Variants in BLTP2 observed in about 807,000 individuals in gnomAD.
BLTP2 encodes the protein bridge-like lipid transfer protein family member 2, also known as U937-associated antigen.
At chr17:28,629,512 CTT>C in the BLTP2 span, among the ~76,000 whole-genome samples, 36 of 152,180 alleles carry the variant, frequency 2.4e-4, no homozygotes, top group African/African-American at 8.7e-4. Flanking sequence ...GAGTCTCACT[CTT>C]GTCGTCCAGG....
chr17:28,639,941 G>A, the BLTP2 span: 1 of 1,614,112 alleles, frequency 6.2e-7, no homozygotes, highest in Non-Finnish European at 8.5e-7. Flanking sequence ...CCATATCAGA[G>A]TTTGCTGTGA....
chr17:28,616,224 G>C, the BLTP2 span: 3 of 1,604,116 alleles, frequency 1.9e-6, no homozygotes, highest in Non-Finnish European at 2.6e-6. The surrounding 1 kb of genome is among the most constrained non-coding windows in gnomAD (Gnocchi z 4.8). Flanking sequence ...AGGAGTGTGA[G>C]CCCTGAATCC....
At chr17:28,617,229 T>C in the BLTP2 span, 36 of 1,611,516 alleles carry the variant, frequency 2.2e-5, no homozygotes, top group Non-Finnish European at 3.1e-5. Flanking sequence ...AAAAAAGACT[T>C]GCCTTATAGA....
chr17:28,634,101 A>G, the BLTP2 span: 1 of 1,612,802 alleles, frequency 6.2e-7, no homozygotes, highest in South Asian at 1.1e-5. Flanking sequence ...TACCAGAGGA[A>G]GGGTACACAC....
the BLTP2 span, chr17:28,638,125 A>G: frequency 9.9e-6 from 16 of 1,608,714 alleles, 1 homozygote; most frequent in South Asian, 1.8e-4. Flanking sequence ...TCCCATTAGA[A>G]GTATGCAGGC....
the BLTP2 span, chr17:28,639,165 G>A: frequency 2.6e-6 from 2 of 772,566 alleles, no homozygotes; most frequent in Non-Finnish European, 4.4e-6. Flanking sequence ...AGTCTAATGG[G>A]AAAGATATAT....
the BLTP2 span, chr17:28,632,892 G>C: frequency 7.4e-7 from 1 of 1,353,922 alleles, no homozygotes; most frequent in African/African-American, 1.5e-5. Context: ...CAGCATCCAT[G>C]CCCGTCCTCC....
the BLTP2 span, chr17:28,645,123 G>T: frequency 1.5e-6 from 2 of 1,378,060 alleles, no homozygotes; most frequent in African/African-American, 1.5e-5. Context: ...CCGGATCCGC[G>T]CAGCACCGCC....
chr17:28,633,687 G>A, the BLTP2 span: 1 of 1,614,084 alleles, frequency 6.2e-7, no homozygotes, highest in Admixed American at 1.7e-5. Flanking sequence ...CCACACACTG[G>A]CCAATTAGTG....
chr17:28,643,190 G>A, the BLTP2 span: 2 of 1,614,176 alleles, frequency 1.2e-6, no homozygotes, highest in South Asian at 1.1e-5. Context: ...AATAAGGATG[G>A]GCTGAAGGAC....
the BLTP2 span, among the ~76,000 whole-genome samples, chr17:28,625,785 G>A: frequency 6.6e-6 from 1 of 151,952 alleles, no homozygotes; most frequent in African/African-American, 2.4e-5. Flanking sequence ...CTTCCCTTGA[G>A]ATGGAGTTTC....
At chr17:28,632,619 C>T in the BLTP2 span, among the ~76,000 whole-genome samples, 6 of 152,116 alleles carry the variant, frequency 3.9e-5, no homozygotes, top group African/African-American at 1.4e-4. Flanking sequence ...CAAAAAGGCA[C>T]CATCTATGAG....
At chr17:28,620,583 T>G in the BLTP2 span, 1 of 1,614,174 alleles carries the variant, frequency 6.2e-7, no homozygotes, top group South Asian at 1.1e-5. Context: ...GCTGGGTTGG[T>G]GGAAATTTCC....
At chr17:28,636,591 T>C in the BLTP2 span, among the ~76,000 whole-genome samples, 2 of 152,198 alleles carry the variant, frequency 1.3e-5, no homozygotes, top group Admixed American at 6.5e-5. Flanking sequence ...TGGTCATGAA[T>C]TGGTAATTAT....
the BLTP2 span, chr17:28,631,656 G>A: frequency 1.2e-6 from 2 of 1,614,154 alleles, no homozygotes; most frequent in Middle Eastern, 1.6e-4. Flanking sequence ...TCCAATCAGA[G>A]ATAAGGCGCC....
At chr17:28,638,671 G>C in the BLTP2 span, 38 of 1,347,874 alleles carry the variant, frequency 2.8e-5, no homozygotes, top group Middle Eastern at 1.8e-4. Context: ...TCATTGTTTG[G>C]TAAGAAAAGA....
chr17:28,636,636 C>A, the BLTP2 span, among the ~76,000 whole-genome samples: 2 of 152,118 alleles, frequency 1.3e-5, no homozygotes, highest in African/African-American at 4.8e-5. Context: ...TAAATTCTCT[C>A]TAGTTTTGTA....
At chr17:28,633,545 T>A in the BLTP2 span, 5 of 1,613,794 alleles carry the variant, frequency 3.1e-6, no homozygotes, top group Non-Finnish European at 4.2e-6. Flanking sequence ...ATGACACCCC[T>A]CACCTCAGTG....
the BLTP2 span, chr17:28,645,147 C>G: frequency 1.8e-6 from 2 of 1,097,660 alleles, no homozygotes; most frequent in African/African-American, 1.7e-5. Flanking sequence ...GGCCGACCAG[C>G]TGCGCGCGCA....
Sources: gnomAD v4.1 joint callset for allele counts (sites outside exome capture counted in the v4.1 genomes callset) on GRCh38, gnomAD v4.1.1 for gene constraint, Gnocchi (gnomAD v3.1) non-coding constraint, MANE v1.5 for transcripts, NCBI Gene and HGNC (gene_info 2026-07-23, HGNC 2026-07-21) for gene names.